BMERB1: variants seen among roughly 807,000 people sequenced by gnomAD.
The protein encoded by BMERB1 is bMERB domain-containing protein 1.
In BMERB1, 12 loss-of-function variants were observed where a neutral mutation model predicts 23.6. That is an observed-to-expected ratio of 0.51 (90% CI 0.33 to 0.82). The LOEUF is 0.82. BMERB1 is among the 40% of genes least tolerant of loss of function. The probability of loss-of-function intolerance (pLI) is 0.03; values close to 1 mark genes in which losing one functional copy is unlikely to be tolerated. For synonymous variants in BMERB1, 122 were observed against 96.6 expected (o/e 1.26, Z -1.54); for missense variants, 247 against 255.4 (o/e 0.97, Z 0.22).
intron 1 of BMERB1, among the ~76,000 whole-genome samples, chr16:15,465,742 A>G (rs1168097898): frequency 1.3e-5 from 2 of 152,206 alleles, no homozygotes; most frequent in East Asian, 3.8e-4. Context: ...TTTTCTTTCC[A>G]GAAATGACCC....
chr16:15,459,021 T>C (rs529120520), intron 1 of BMERB1, among the ~76,000 whole-genome samples: 3 of 151,868 alleles, frequency 2.0e-5, no homozygotes, highest in Non-Finnish European at 2.9e-5. Flanking sequence ...GCAAGGAGAA[T>C]TGCTTGAACC....
At chr16:15,509,571 T>C (rs2051635242) in intron 1 of BMERB1, among the ~76,000 whole-genome samples, 1 of 152,214 alleles carries the variant, frequency 6.6e-6, no homozygotes, top group African/African-American at 2.4e-5. Context: ...TTGCGGCTGA[T>C]GACTAGTGTC....
At chr16:15,516,418 G>A (rs569942024) in intron 2 of BMERB1, among the ~76,000 whole-genome samples, 8 of 151,920 alleles carry the variant, frequency 5.3e-5, no homozygotes, top group African/African-American at 7.3e-5. Flanking sequence ...AGAGCCTGTC[G>A]CTAAAAGAAA....
At chr16:15,529,802 T>C (rs543697471) in intron 2 of BMERB1, among the ~76,000 whole-genome samples, 11 of 152,266 alleles carry the variant, frequency 7.2e-5, no homozygotes, top group African/African-American at 2.4e-4. Context: ...GGGTGAACAG[T>C]GGGTCCATTC....
At chr16:15,556,942 T>C (rs941115136) in intron 2 of BMERB1, among the ~76,000 whole-genome samples, 2 of 152,164 alleles carry the variant, frequency 1.3e-5, no homozygotes, top group Non-Finnish European at 2.9e-5. Context: ...GTAACTTATT[T>C]TTAAAAGGAG....
At chr16:15,462,135 G>GC (rs2051140610) in intron 1 of BMERB1, among the ~76,000 whole-genome samples, 5 of 116,894 alleles carry the variant, frequency 4.3e-5, no homozygotes, top group Admixed American at 1.9e-4. Context: ...TGGATGTCCT[G>GC]CCTTTTTTTT....
chr16:15,473,356 C>T (rs147915123), intron 1 of BMERB1, among the ~76,000 whole-genome samples: 25 of 150,920 alleles, frequency 1.7e-4, no homozygotes, highest in African/African-American at 5.6e-4. Flanking sequence ...AGTGGTGCCA[C>T]CTCAGCTCAC....
intron 3 of BMERB1, among the ~76,000 whole-genome samples, chr16:15,580,637 T>A (rs984988005): frequency 6.7e-6 from 1 of 148,422 alleles, no homozygotes; most frequent in Admixed American, 6.8e-5. Context: ...AAGCTCCACC[T>A]CCCGGGTTCA....
intron 4 of BMERB1, among the ~76,000 whole-genome samples, chr16:15,582,603 C>T (rs905528662): frequency 6.6e-6 from 1 of 151,896 alleles, no homozygotes; most frequent in African/African-American, 2.4e-5. Context: ...CCTGTAGTCT[C>T]AGCTACTTGG....
chr16:15,466,437 CAT>C (rs2051181406), intron 1 of BMERB1, among the ~76,000 whole-genome samples: 1 of 151,468 alleles, frequency 6.6e-6, no homozygotes, highest in Admixed American at 6.6e-5. Context: ...ATTGTGTTGT[CAT>C]TGTCATAGGT....
At chr16:15,502,019 C>G (rs2051535038) in intron 1 of BMERB1, among the ~76,000 whole-genome samples, 1 of 152,232 alleles carries the variant, frequency 6.6e-6, no homozygotes. Flanking sequence ...TACATTCTCT[C>G]TTTTATGACC....
intron 1 of BMERB1, among the ~76,000 whole-genome samples, chr16:15,491,442 C>T (rs1361338991): frequency 1.3e-5 from 2 of 150,892 alleles, no homozygotes; most frequent in Non-Finnish European, 3.0e-5. Flanking sequence ...CCTCAGCCTC[C>T]CAAGTAGCTG....
intron 2 of BMERB1, among the ~76,000 whole-genome samples, chr16:15,547,910 A>G (rs1431943425): frequency 6.6e-6 from 1 of 152,214 alleles, no homozygotes; most frequent in Non-Finnish European, 1.5e-5. Flanking sequence ...GCCCACCTCA[A>G]ACAGTGGTTA....
intron 1 of BMERB1, among the ~76,000 whole-genome samples, chr16:15,487,381 T>C (rs2051377575): frequency 6.6e-6 from 1 of 152,204 alleles, no homozygotes; most frequent in Admixed American, 6.5e-5. Flanking sequence ...GTCTCTTTCC[T>C]GGATGTCTTA....
At chr16:15,484,555 C>T (rs1033163365) in intron 1 of BMERB1, among the ~76,000 whole-genome samples, 4 of 152,142 alleles carry the variant, frequency 2.6e-5, no homozygotes, top group Non-Finnish European at 5.9e-5. Flanking sequence ...GCACACACCG[C>T]CACACCCGGC....
In BMERB1 at chr16:15,581,314, G is replaced by T. The variant is rs145141186; in HGVS notation, c.402G>T (p.Ala134=). ...VQKRDFLVDD[A]EVERLREQEE... The stretch of plus-strand genomic sequence containing the variant: ...AGAGAGACTTCCTGGTGGACGATGC[G>T]GAGGTCGAGCGGTTAAGGTGAGTGC... Residue 134 remains alanine, a synonymous_variant, in exon 4 of 6, where the codon GCG becomes GCT. Coordinates refer to ENST00000300006, the MANE Select transcript of BMERB1 (RefSeq NM_033201.3). 5.6e-6 allele frequency: 9 copies of T among 1,613,848 alleles called. 1 individual carries two copies. In the South Asian group the frequency reaches 9.9e-5, roughly 18 times the overall value.
At chr16:15,493,528 C>T (rs1358729470) in intron 1 of BMERB1, among the ~76,000 whole-genome samples, 1 of 152,122 alleles carries the variant, frequency 6.6e-6, no homozygotes. Flanking sequence ...CTGTTTAGAG[C>T]CACATCTCCC....
intron 5 of BMERB1, among the ~76,000 whole-genome samples, chr16:15,585,554 G>A (rs1018353520): frequency 5.3e-5 from 8 of 152,052 alleles, no homozygotes; most frequent in Non-Finnish European, 8.8e-5. Context: ...AAACCCGGCC[G>A]GGCACAGTGG....
chr16:15,516,554 G>A (rs961565303), intron 2 of BMERB1, among the ~76,000 whole-genome samples: 2 of 152,276 alleles, frequency 1.3e-5, no homozygotes, highest in Non-Finnish European at 2.9e-5. Flanking sequence ...GAGGTTAAGA[G>A]GCAACCTGGC....
Sources: gnomAD v4.1 joint callset for allele counts (sites outside exome capture counted in the v4.1 genomes callset) on GRCh38, gnomAD v4.1.1 for gene constraint, MANE v1.5 for transcripts, NCBI Gene and HGNC (gene_info 2026-07-23, HGNC 2026-07-21) for gene names.